Variants in SFTPB observed in about 807,000 individuals in gnomAD.
The protein encoded by SFTPB is pulmonary surfactant-associated protein B.
SFTPB carries 32 observed loss-of-function variants against 51.0 expected under a neutral mutation model. The observed-to-expected ratio is 0.63, with a 90% CI of 0.47 to 0.84. The LOEUF (loss-of-function observed/expected upper bound fraction) is 0.84. Ranked by LOEUF, SFTPB falls within the 40% of genes least tolerant of loss-of-function variation. The pLI, the probability that SFTPB is intolerant of heterozygous loss-of-function variation, is 0.00. For synonymous variants in SFTPB, 211 were observed against 208.5 expected, an observed-to-expected ratio of 1.01 and a Z score of -0.10; for missense variants, 431 against 491.2, an observed-to-expected ratio of 0.88 and a Z score of 1.16.
chr2:85,658,131 G>A lies in SFTPB; in HGVS notation c.*1571C>T. ...CAGGGGATATGATGGCTTAGCTTGG[G>A]CTCAGAGGCCTGACAGTGGGTAATT... On this transcript the variant is annotated 3_prime_UTR_variant, in exon 11 of 11. Coordinates refer to ENST00000519937, the MANE Select transcript of SFTPB (RefSeq NM_000542.5). 1 of 152,844 alleles carries A rather than the reference G, an allele frequency of 6.5e-6. No individual in the cohort carries two copies. Among genetic ancestry groups the A allele is most frequent in the Non-Finnish European group, 1.5e-5 (1 of 68,148 alleles). 9.5% of individuals were successfully genotyped at this position (152,844 alleles called of 1,614,324 possible).
intron 10 of SFTPB, 93 bp downstream of exon 10, chr2:85,661,361 G>C (rs1372369502): frequency 1.1e-6 from 1 of 873,988 alleles, no homozygotes. Flanking sequence ...AGGAGTGGCC[G>C]CCTCTTCCTG....
rs1431596442 is a variant in SFTPB at position 85,667,592 on chromosome 2, G to A, written c.195+87C>T. 2.0e-5 allele frequency: 31 copies of A among 1,544,104 alleles called. No homozygotes were observed. In the Admixed American group the frequency reaches 4.7e-4, roughly 23 times the overall value. Reference sequence around the variant, plus strand: ...TTCATCTCATCCATCCCCTATGGGGGCTCCACTCTCCTCCTGCCCATCCAG... The same window carrying A: ...TTCATCTCATCCATCCCCTATGGGGACTCCACTCTCCTCCTGCCCATCCAG... On this transcript the variant is annotated intron_variant, in intron 2 of 10. Transcript: ENST00000519937.
chr2:85,666,586 G>T (rs771454773), intron 4 of SFTPB, 31 bp downstream of exon 4: 9 of 1,610,152 alleles, frequency 5.6e-6, no homozygotes, highest in Non-Finnish European at 7.6e-6. Context: ...TGCGTGGGGA[G>T]GCAGGCAGGA....
chr2:85,660,351 T>A (rs1171727140), intron 10 of SFTPB, among the ~76,000 whole-genome samples: 2 of 144,796 alleles, frequency 1.4e-5, no homozygotes, highest in Non-Finnish European at 3.0e-5. Context: ...GTAAGGCTGG[T>A]CTTGAACTCC....
At position 85,667,671 on chromosome 2, in the gene SFTPB, G is replaced by A; in HGVS notation, c.195+8C>T. The A allele has an allele frequency of 6.2e-7, 1 of 1,614,202 alleles. No individual in the cohort carries two copies. The highest frequency in any genetic ancestry group is 8.5e-7 in the Non-Finnish European group (1 of 1,180,038). On this transcript the variant is annotated splice_region_variant and intron_variant, in intron 2 of 10. Coordinates refer to ENST00000519937, the MANE Select transcript of SFTPB (RefSeq NM_000542.5). ...CCCCAGTTGCCATGCATCCTTGGTG[G>A]TACTCACGGCTCCCACATGTCCCCA...
upstream of SFTPB, chr2:85,668,375 T>C: frequency 1.6e-6 from 1 of 626,522 alleles, no homozygotes; most frequent in Non-Finnish European, 2.9e-6. Context: ...GCTGATGGCC[T>C]GTTCCTGCCT....
chr2:85,663,288 C>G, intron 8 of SFTPB, 58 bp downstream of exon 8: 1 of 1,600,192 alleles, frequency 6.2e-7, no homozygotes, highest in South Asian at 1.1e-5. Context: ...CTTTCCTGGG[C>G]TCAGCCTTCT....
intron 6 of SFTPB, 128 bp from the exon 7 acceptor site, chr2:85,663,975 T>C (rs1041481264): frequency 7.8e-6 from 7 of 900,662 alleles, no homozygotes; most frequent in Non-Finnish European, 1.2e-5. Context: ...GGCAAGGCTA[T>C]TCACAAATAA....
Position 85,668,100 on chromosome 2 carries a change from G to A in SFTPB, c.67+17C>T. The A allele has an allele frequency of 6.5e-7, 1 of 1,543,310 alleles. No individual in the cohort carries two copies. Among genetic ancestry groups the A allele is most frequent in the Non-Finnish European group, 8.8e-7 (1 of 1,139,448 alleles). ...TGGTGGAGCTGCCTAGGAGAGGGGA[G>A]GCTGGGGGAGACTCACCAGTGCCTG... On this transcript the variant is annotated intron_variant, in intron 1 of 10. Transcript: ENST00000519937.
intron 6 of SFTPB, among the ~76,000 whole-genome samples, chr2:85,664,589 C>T (rs920982111): frequency 2.0e-5 from 3 of 152,270 alleles, no homozygotes; most frequent in Non-Finnish European, 1.5e-5. Flanking sequence ...CTCAGCCTCC[C>T]GAGTAGCTGG....
Position 85,657,607 on chromosome 2 carries a change from C to T in SFTPB, c.*2095G>A, listed in dbSNP as rs1032765070. 53 of 152,222 alleles carry T rather than the reference C, an allele frequency of 3.5e-4. 1 individual carries two copies. The highest frequency in any genetic ancestry group is 1.1e-3 in the African/African-American group (44 of 41,536). 9.4% of individuals were successfully genotyped at this position (152,222 alleles called of 1,614,324 possible). A position where few individuals can be genotyped will look rare whatever the true frequency, so the allele number is the denominator to read the frequency against. On this transcript the variant is annotated 3_prime_UTR_variant, in exon 11 of 11. Transcript: ENST00000519937. ...CTCAGTGTCAAAACACACACCCTGC[C>T]GTAGCTCTCTCCTGGGCTAGGTGGG...
Position 85,657,916 on chromosome 2 carries a change from G to A in SFTPB, c.*1786C>T, listed in dbSNP as rs1310733846. ...GGGGTGCGGGCGTGGGGTGGGTGGG[G>A]AGAATATTACAAAGCACCTTCTCAA... On this transcript the variant is annotated 3_prime_UTR_variant, in exon 11 of 11. Coordinates refer to ENST00000519937, the MANE Select transcript of SFTPB (RefSeq NM_000542.5). 1 of 152,046 alleles carries A rather than the reference G, an allele frequency of 6.6e-6. No homozygotes were observed. Among genetic ancestry groups the A allele is most frequent in the Non-Finnish European group, 1.5e-5 (1 of 68,020 alleles). The allele number at this position is 152,046 out of a possible 1,614,324, so 9.4% of individuals were successfully genotyped here.
At chr2:85,661,987 G>C in intron 9 of SFTPB, 42 bp downstream of exon 9, 7 of 1,558,934 alleles carry the variant, frequency 4.5e-6, no homozygotes, top group Non-Finnish European at 6.1e-6. Context: ...GGCTCTGGGA[G>C]CCAAGGGAAG....
chr2:85,668,320 C>T (rs41290039), upstream of SFTPB: 1 of 795,914 alleles, frequency 1.3e-6, no homozygotes, highest in Non-Finnish European at 2.1e-6. Flanking sequence ...TTGATCCCAC[C>T]TTTTCCCAGC....
At chr2:85,664,090 C>T (rs3024806) in intron 6 of SFTPB, among the ~76,000 whole-genome samples, 130 of 152,318 alleles carry the variant, frequency 8.5e-4, no homozygotes, top group African/African-American at 3.0e-3. Context: ...GGCTCTGGCC[C>T]ACAGCTAGTG....
rs1677330334 is a variant in SFTPB, at chr2:85,662,018, G to C, written c.1083+11C>G. 6.3e-7 allele frequency: 1 copy of C among 1,591,734 alleles called. No individual in the cohort carries two copies. The highest frequency in any genetic ancestry group is 1.2e-5 in the South Asian group (1 of 86,922). Reference sequence around the variant, plus strand: ...GGAAGTCCTAGGACCAACTGGGAGGGGTGGGTGTACCTGGCAGGTGGTGTG... The same window carrying C: ...GGAAGTCCTAGGACCAACTGGGAGGCGTGGGTGTACCTGGCAGGTGGTGTG... On this transcript the variant is annotated intron_variant, in intron 9 of 10. Coordinates refer to ENST00000519937, the MANE Select transcript of SFTPB (RefSeq NM_000542.5).
In SFTPB at chr2:85,665,350, G is replaced by A. The variant is rs150799880; in HGVS notation, c.611C>T (p.Pro204Leu). 78 of 1,613,944 alleles carry A rather than the reference G, an allele frequency of 4.8e-5. No homozygotes were observed. Among genetic ancestry groups the A allele is most frequent in the Non-Finnish European group, 5.8e-5 (69 of 1,179,962 alleles). ...CCTGCAGAGCCAGCAATAGGGGAGAGGAATGGGGAATTGCTGCTCGGAGAG... is the reference window on the plus strand; with the variant it reads ...CCTGCAGAGCCAGCAATAGGGGAGAAGAATGGGGAATTGCTGCTCGGAGAG... ...QDLSEQQFPI[P>L]LPYCWLCRAL... The change falls in exon 6 of 11, where the codon CCT (proline) becomes CTT (leucine). Residue 204 changes from proline (P) to leucine (L), a missense_variant. Transcript: ENST00000519937.
intron 3 of SFTPB, 149 bp downstream of exon 3, chr2:85,666,957 C>A: frequency 2.1e-6 from 2 of 934,734 alleles, no homozygotes; most frequent in Non-Finnish European, 3.4e-6. Flanking sequence ...GGGCCATGAC[C>A]TGCTCCCAGC....
rs1346219079 is a variant in SFTPB, at chr2:85,661,466, G to T, written c.*7C>A. On this transcript the variant is annotated 3_prime_UTR_variant, in exon 10 of 11. Coordinates refer to ENST00000519937, the MANE Select transcript of SFTPB (RefSeq NM_000542.5). Reference sequence around the variant, plus strand: ...GGCCTGGACTCACCTGGACAGCTGAGTTCTCATCAAAGGTCGGGGCTGTGG... The same window carrying T: ...GGCCTGGACTCACCTGGACAGCTGATTTCTCATCAAAGGTCGGGGCTGTGG... 1 of 1,609,880 alleles carries T rather than the reference G, an allele frequency of 6.2e-7. No individual in the cohort carries two copies. Among genetic ancestry groups the T allele is most frequent in the Non-Finnish European group, 8.5e-7 (1 of 1,178,086 alleles).
Sources: gnomAD v4.1 joint callset for allele counts (sites outside exome capture counted in the v4.1 genomes callset) on GRCh38, gnomAD v4.1.1 for gene constraint, MANE v1.5 for transcripts, NCBI Gene and HGNC (gene_info 2026-07-23, HGNC 2026-07-21) for gene names.